Variants in NFAM1 observed in about 807,000 individuals in gnomAD.
NFAM1 encodes the protein NFAT activating protein with ITAM motif 1.
Under a neutral mutation model 29.0 loss-of-function variants are expected in NFAM1, and 17 were observed. That is an observed-to-expected ratio of 0.59 (90% CI 0.40 to 0.88). The LOEUF (loss-of-function observed/expected upper bound fraction) is 0.88, where lower values mean the gene tolerates loss of function less well. Among genes scored for constraint, NFAM1 ranks in the 40% least tolerant of loss-of-function variants. The pLI is 0.00. For synonymous variants in NFAM1, 175 were observed against 147.2 expected (o/e 1.19, Z -1.36); for missense variants, 324 against 344.6 (o/e 0.94, Z 0.47).
At chr22:42,416,496 T>G (rs1471958804) in intron 1 of NFAM1, among the ~76,000 whole-genome samples, 1 of 152,094 alleles carries the variant, frequency 6.6e-6, no homozygotes, top group African/African-American at 2.4e-5. Flanking sequence ...CATCAGATGC[T>G]AATAAGAGGT....
chr22:42,437,502 C>G, the NFAM1 span, among the ~76,000 whole-genome samples: 1 of 152,142 alleles, frequency 6.6e-6, no homozygotes, highest in Non-Finnish European at 1.5e-5. Context: ...GGCTCGGGCC[C>G]TTGACACAAC....
intron 3 of NFAM1, among the ~76,000 whole-genome samples, chr22:42,405,678 A>G (rs1929873211): frequency 6.6e-6 from 1 of 152,008 alleles, no homozygotes; most frequent in Non-Finnish European, 1.5e-5. Flanking sequence ...AGTGTTTCCC[A>G]CCCATCTCGG....
At chr22:42,435,444 T>C (rs770860524), upstream of NFAM1, among the ~76,000 whole-genome samples, 4 of 151,242 alleles carry the variant, frequency 2.6e-5, no homozygotes, top group African/African-American at 7.3e-5. Context: ...GCCTCCCGGG[T>C]TCAAGTGATT....
At chr22:42,428,612 C>T (rs1261658116) in intron 1 of NFAM1, among the ~76,000 whole-genome samples, 1 of 152,136 alleles carries the variant, frequency 6.6e-6, no homozygotes, top group Non-Finnish European at 1.5e-5. Flanking sequence ...CCAGAACAAA[C>T]TTGTCTGGTA....
intron 1 of NFAM1, among the ~76,000 whole-genome samples, chr22:42,427,127 C>T (rs772615754): frequency 2.0e-5 from 3 of 151,778 alleles, no homozygotes; most frequent in Non-Finnish European, 4.4e-5. Context: ...TCTCACCAGG[C>T]TCACCCCGTC....
At chr22:42,389,680 G>A (rs1355530235) in intron 4 of NFAM1, among the ~76,000 whole-genome samples, 1 of 146,096 alleles carries the variant, frequency 6.8e-6, no homozygotes, top group African/African-American at 2.5e-5. Context: ...CTGGGGGGCT[G>A]GGCTGGGCTG....
intron 1 of NFAM1, among the ~76,000 whole-genome samples, chr22:42,418,474 A>G (rs1256253275): frequency 6.6e-6 from 1 of 152,092 alleles, no homozygotes; most frequent in African/African-American, 2.4e-5. Flanking sequence ...GGCAGATCAC[A>G]TGAGGTCAGA....
rs1178726055 is a variant in NFAM1, at chr22:42,388,237, A to C, written c.664-1159T>G. Among the ~76,000 whole-genome samples the C allele has an allele frequency of 2.0e-5, 3 of 152,208 alleles. No homozygotes were observed. The highest frequency in any genetic ancestry group is 7.2e-5 in the African/African-American group (3 of 41,446). On this transcript the variant is annotated intron_variant, in intron 4 of 5. Coordinates refer to ENST00000329021, the MANE Select transcript of NFAM1 (RefSeq NM_145912.8). The surrounding 1 kb of genome is among the most constrained non-coding windows in gnomAD (Gnocchi z 4.1). Reference sequence around the variant, plus strand: ...TGCGCCAGCCAAAGGCAACCCCTTAACCGCTCCATGCCTCAGTTTCCACGT... The same window carrying C: ...TGCGCCAGCCAAAGGCAACCCCTTACCCGCTCCATGCCTCAGTTTCCACGT...
intron 3 of NFAM1, among the ~76,000 whole-genome samples, chr22:42,406,884 C>T (rs1199787589): frequency 6.6e-6 from 1 of 151,844 alleles, no homozygotes; most frequent in Admixed American, 6.6e-5. Flanking sequence ...AGGTGATTCT[C>T]TTGCCTCAGG....
In NFAM1 at chr22:42,382,946, A is replaced by G. The variant is rs529488168; in HGVS notation, c.*2215T>C. On this transcript the variant is annotated 3_prime_UTR_variant, in exon 6 of 6. Coordinates refer to ENST00000329021, the MANE Select transcript of NFAM1 (RefSeq NM_145912.8). ...CCAGAGGGGTGATGGGTCAGCCCCC[A>G]AGAACCTCCTACGCCACAGGGAGGA... The G allele has an allele frequency of 2.2e-4, 34 of 152,764 alleles. 1 individual carries two copies. In the South Asian group the frequency reaches 6.8e-3, roughly 31 times the overall value. 9.5% of individuals were successfully genotyped at this position (152,764 alleles called of 1,614,324 possible). A position where few individuals can be genotyped will look rare whatever the true frequency, so the allele number is the denominator to read the frequency against.
rs138480403 is a variant in NFAM1, at chr22:42,401,673, C to T, written c.565-3717G>A. Among the ~76,000 whole-genome samples the T allele has an allele frequency of 7.2e-5, 11 of 152,312 alleles. No homozygotes were observed. In the East Asian group the frequency reaches 1.9e-3, roughly 27 times the overall value. On this transcript the variant is annotated intron_variant, in intron 3 of 5. Coordinates refer to ENST00000329021, the MANE Select transcript of NFAM1 (RefSeq NM_145912.8). ...CTCGGGGCCAACATTTGCCTTTCAA[C>T]TGTGATTTTCAGATGAATCACGAGT...
chr22:42,433,586 A>G (rs919364760), upstream of NFAM1, among the ~76,000 whole-genome samples: 2 of 152,148 alleles, frequency 1.3e-5, no homozygotes, highest in South Asian at 4.1e-4. Context: ...CTTTGCACAC[A>G]TGCTTTTCCC....
intron 1 of NFAM1, among the ~76,000 whole-genome samples, chr22:42,426,042 A>C (rs2146555948): frequency 6.6e-6 from 1 of 152,338 alleles, no homozygotes; most frequent in East Asian, 1.9e-4. Flanking sequence ...GATACCCTCC[A>C]GACCCAGGGA....
chr22:42,421,006 C>A (rs1930426089), intron 1 of NFAM1, among the ~76,000 whole-genome samples: 1 of 152,056 alleles, frequency 6.6e-6, no homozygotes, highest in African/African-American at 2.4e-5. Flanking sequence ...CCTGTGGCTC[C>A]CAAAACAGGA....
chr22:42,407,656 A>C (rs1929944209), intron 3 of NFAM1, among the ~76,000 whole-genome samples: 1 of 151,874 alleles, frequency 6.6e-6, no homozygotes, highest in Non-Finnish European at 1.5e-5. Context: ...TGGTGTGATC[A>C]CAGCTCACTG....
chr22:42,404,135 G>A lies in NFAM1; in HGVS notation c.564+5300C>T, dbSNP rs142946631. On this transcript the variant is annotated intron_variant, in intron 3 of 5. Coordinates refer to ENST00000329021, the MANE Select transcript of NFAM1 (RefSeq NM_145912.8). ...CTCCAGCTCCCATCTTCCCGGGGGT[G>A]TGAGCTCCGTGCCCTCCCTGCTGGC... Among the ~76,000 whole-genome samples the A allele has an allele frequency of 9.4e-4, 143 of 152,228 alleles. 1 individual carries two copies. In the East Asian group the frequency reaches 0.027, roughly 28 times the overall value.
In NFAM1 at chr22:42,419,990, G is replaced by GTTTTTTTTTTTT. The variant is rs869262500; in HGVS notation, c.122-8266_122-8255dup. ...CTTTGAGTCTGTAATCCCACTCTTG[G>GTTTTTTTTTTTT]TTTTTTTTTTTTTTTTTTTTTTTTT... On this transcript the variant is annotated intron_variant, in intron 1 of 5. Coordinates refer to ENST00000329021, the MANE Select transcript of NFAM1 (RefSeq NM_145912.8). The surrounding 1 kb of genome is among the most constrained non-coding windows in gnomAD (Gnocchi z 4.5). Among the ~76,000 whole-genome samples the GTTTTTTTTTTTT allele has an allele frequency of 1.6e-4, 5 of 30,522 alleles. 2 individuals are homozygous for GTTTTTTTTTTTT. Among genetic ancestry groups the GTTTTTTTTTTTT allele is most frequent in the African/African-American group, 1.7e-4 (1 of 5,982 alleles). The allele number at this position is 30,522 out of a possible 152,430, so 20.0% of individuals were successfully genotyped here.
intron 1 of NFAM1, among the ~76,000 whole-genome samples, chr22:42,412,209 G>A (rs111986162): frequency 0.027 from 4,175 of 152,042 alleles, 194 homozygotes; most frequent in African/African-American, 0.097. Context: ...TCTAGCCTGG[G>A]CGACAAGAGC....
chr22:42,428,390 G>A (rs1349167236), intron 1 of NFAM1, among the ~76,000 whole-genome samples: 1 of 152,198 alleles, frequency 6.6e-6, no homozygotes, highest in East Asian at 1.9e-4. Flanking sequence ...GGCGGGAAGG[G>A]AGGCAGGAGG....
Sources: gnomAD v4.1 joint callset for allele counts (sites outside exome capture counted in the v4.1 genomes callset) on GRCh38, gnomAD v4.1.1 for gene constraint, Gnocchi (gnomAD v3.1) non-coding constraint, MANE v1.5 for transcripts, NCBI Gene and HGNC (gene_info 2026-07-23, HGNC 2026-07-21) for gene names.